Variants in AP1B1 observed in about 807,000 individuals in gnomAD.
The protein encoded by AP1B1 is AP-1 complex subunit beta-1.
In AP1B1, 36 loss-of-function variants were observed where a neutral mutation model predicts 104.3. The ratio of observed to expected loss-of-function variants is 0.35; its 90% confidence interval spans 0.26 to 0.46. The LOEUF is 0.46. Among genes scored for constraint, AP1B1 ranks in the 20% least tolerant of loss-of-function variants. The probability of loss-of-function intolerance (pLI) is 1.00; values close to 1 mark genes in which losing one functional copy is unlikely to be tolerated. For synonymous variants in AP1B1, 504 were observed against 517.5 expected, an observed-to-expected ratio of 0.97 and a Z score of 0.35; for missense variants, 901 against 1,247.9, an observed-to-expected ratio of 0.72 and a Z score of 4.19.
chr22:29,360,052 G>A, intron 3 of AP1B1, 93 bp from the exon 4 acceptor site: 2 of 1,418,654 alleles, frequency 1.4e-6, no homozygotes, highest in Admixed American at 2.0e-5. Context: ...AGGACAGTGG[G>A]TAGGAGAGAA....
chr22:29,331,614 T>C, intron 18 of AP1B1, 81 bp from the exon 19 acceptor site: 19 of 1,585,478 alleles, frequency 1.2e-5, no homozygotes, highest in Non-Finnish European at 1.6e-5. Context: ...ACTGAGCAGA[T>C]TCTCTCCCAG....
At chr22:29,353,018 G>A (rs1235366179) in intron 7 of AP1B1, among the ~76,000 whole-genome samples, 2 of 152,120 alleles carry the variant, frequency 1.3e-5, no homozygotes, top group Non-Finnish European at 2.9e-5. Flanking sequence ...TGCCTTCCGC[G>A]AGTATCACCC....
intron 11 of AP1B1, among the ~76,000 whole-genome samples, chr22:29,342,635 C>T (rs1602711004): frequency 6.6e-6 from 1 of 152,198 alleles, no homozygotes; most frequent in Non-Finnish European, 1.5e-5. Flanking sequence ...CCAAGTAGGC[C>T]AGGGGCCGCT....
chr22:29,333,460 TG>T (rs2061591585), intron 17 of AP1B1, among the ~76,000 whole-genome samples: 1 of 152,184 alleles, frequency 6.6e-6, no homozygotes, highest in African/African-American at 2.4e-5. Flanking sequence ...GTCCCTAAGA[TG>T]GGCCCCTCCT....
intron 1 of AP1B1, among the ~76,000 whole-genome samples, chr22:29,372,099 T>A (rs1396814434): frequency 6.6e-6 from 1 of 152,112 alleles, no homozygotes; most frequent in Non-Finnish European, 1.5e-5. Context: ...CAGAAACAGT[T>A]CTGGTTAACT....
chr22:29,369,875 A>T (rs775669455), intron 1 of AP1B1, among the ~76,000 whole-genome samples: 2 of 133,968 alleles, frequency 1.5e-5, no homozygotes, highest in Non-Finnish European at 3.1e-5. Flanking sequence ...ACATAAAGCC[A>T]TTTTCTCAAA....
In AP1B1 at chr22:29,351,741, G is replaced by A. The variant is rs1160775476; in HGVS notation, c.1023C>T (p.Ile341=). 1.9e-6 allele frequency: 3 copies of A among 1,614,164 alleles called. No individual in the cohort carries two copies. In the Admixed American group the frequency reaches 5.0e-5, roughly 27 times the overall value. Residue 341 remains isoleucine, a synonymous_variant, in exon 8 of 23, where the codon ATC becomes ATT. Transcript: ENST00000357586. ...PIYVKLEKLD[I]MIRLASQANI... ...TGGCCTGAGAGGCCAGGCGGATCAT[G>A]ATGTCCAGCTTCTCCAGCTTCACGT... is the stretch of plus-strand genomic sequence containing the variant.
At chr22:29,346,639 G>A (rs2061796977) in intron 11 of AP1B1, among the ~76,000 whole-genome samples, 1 of 152,184 alleles carries the variant, frequency 6.6e-6, no homozygotes, top group South Asian at 2.1e-4. Context: ...ATGGTGGCCC[G>A]GGGGTTGGGG....
chr22:29,329,415 C>T (rs942282493), intron 22 of AP1B1: 3 of 1,296,996 alleles, frequency 2.3e-6, no homozygotes, highest in South Asian at 2.2e-5. Context: ...GGAGCCCCCA[C>T]CCATCCACTC....
chr22:29,335,313 C>T (rs2061622815), intron 16 of AP1B1, among the ~76,000 whole-genome samples: 1 of 152,168 alleles, frequency 6.6e-6, no homozygotes, highest in African/African-American at 2.4e-5. Flanking sequence ...GGCTCAGACC[C>T]CACCGACAGC....
intron 7 of AP1B1, among the ~76,000 whole-genome samples, chr22:29,352,792 C>T (rs925900180): frequency 1.3e-5 from 2 of 152,110 alleles, no homozygotes; most frequent in Non-Finnish European, 2.9e-5. Flanking sequence ...AAAATATATG[C>T]TGAGTCCTGT....
chr22:29,332,648 T>G (rs186701988), intron 17 of AP1B1, among the ~76,000 whole-genome samples: 350 of 152,306 alleles, frequency 2.3e-3, no homozygotes, highest in Middle Eastern at 6.8e-3. Context: ...ATCCTCTAGA[T>G]GAGGACACCG....
intron 16 of AP1B1, 32 bp downstream of exon 16, chr22:29,338,958 G>A (rs2061674812): frequency 3.7e-6 from 6 of 1,612,994 alleles, no homozygotes; most frequent in Non-Finnish European, 5.1e-6. Flanking sequence ...ACTTCTCTCT[G>A]CTCCCGCCAA....
At chr22:29,378,129 T>C (rs2062375225) in intron 1 of AP1B1, among the ~76,000 whole-genome samples, 1 of 151,742 alleles carries the variant, frequency 6.6e-6, no homozygotes. Context: ...GAATTACAGG[T>C]TATTTTAGGG....
chr22:29,362,302 C>T (rs925204713), intron 3 of AP1B1, among the ~76,000 whole-genome samples: 5 of 152,090 alleles, frequency 3.3e-5, no homozygotes, highest in Admixed American at 6.6e-5. Context: ...ATCATCTGGC[C>T]ACTTAAGACA....
chr22:29,333,583 G>A (rs776831140), intron 17 of AP1B1, among the ~76,000 whole-genome samples: 31 of 152,230 alleles, frequency 2.0e-4, no homozygotes, highest in African/African-American at 5.1e-4. Context: ...GTGTGGTGGC[G>A]TGCACCTGTA....
intron 17 of AP1B1, among the ~76,000 whole-genome samples, chr22:29,333,517 G>A (rs1175266736): frequency 5.3e-5 from 8 of 152,122 alleles, no homozygotes; most frequent in African/African-American, 1.4e-4. Flanking sequence ...GGAGCAGGGC[G>A]TTTCTGTCTG....
intron 8 of AP1B1, 174 bp downstream of exon 8, chr22:29,351,531 A>T: frequency 1.1e-6 from 1 of 923,198 alleles, no homozygotes; most frequent in Non-Finnish European, 1.6e-6. Context: ...ATTCTTTAGT[A>T]ATAAAAACAT....
At position 29,350,095 on chromosome 22, in the gene AP1B1, T is replaced by C. The variant is rs1352931283; in HGVS notation, c.1211A>G (p.Asn404Ser). 1 of 1,614,244 alleles carries C rather than the reference T, an allele frequency of 6.2e-7. No homozygotes were observed. The highest frequency in any genetic ancestry group is 8.5e-7 in the Non-Finnish European group (1 of 1,180,038). The change falls in exon 10 of 23, where the codon AAC becomes AGC. Residue 404 changes from asparagine to serine, a missense_variant. This residue lies in a region of AP1B1 where 471 missense variants were observed against 696.7 expected (regional missense o/e 0.68). Coordinates refer to ENST00000357586, the MANE Select transcript of AP1B1 (RefSeq NM_001127.4). ...TLLDLIQTKV[N>S]YVVQEAIVVI... ...CACGATGGCCTCCTGGACCACATAGTTGACCTTGGTCTGGATGAGGTCGAG... is the reference window on the plus strand; with the variant it reads ...CACGATGGCCTCCTGGACCACATAGCTGACCTTGGTCTGGATGAGGTCGAG...
Sources: allele counts gnomAD v4.1 joint callset (sites outside exome capture counted in the v4.1 genomes callset), GRCh38; gene constraint gnomAD v4.1.1; regional missense constraint gnomAD v4.1.1; transcripts MANE v1.5; gene names NCBI Gene and HGNC (gene_info 2026-07-23, HGNC 2026-07-21).